Variants in NT5C2 observed in about 807,000 individuals in gnomAD.
The protein encoded by NT5C2 is 5'-nucleotidase, cytosolic II, also known as cytosolic purine 5'-nucleotidase.
Under a neutral mutation model 76.1 loss-of-function variants are expected in NT5C2, and 58 were observed. The ratio of observed to expected loss-of-function variants is 0.76; its 90% CI spans 0.62 to 0.95. NT5C2 has a LOEUF of 0.95. Among genes scored for constraint, NT5C2 ranks in the 40% least tolerant of loss-of-function variants. The probability of loss-of-function intolerance (pLI) is 0.00; values close to 1 mark genes in which losing one functional copy is unlikely to be tolerated. For missense variants in NT5C2, 478 were observed against 690.3 expected, an observed-to-expected ratio of 0.69 and a Z score of 3.45; for synonymous variants, 229 against 237.4, an observed-to-expected ratio of 0.96 and a Z score of 0.32.
At chr10:103,125,118 G>A in intron 4 of NT5C2, 2 of 471,012 alleles carry the variant, frequency 4.2e-6, no homozygotes, top group Non-Finnish European at 7.8e-6. Context: ...AAACCAAACT[G>A]GCAGGATGGA....
At chr10:103,126,013 A>C (rs1318875128) in intron 4 of NT5C2, among the ~76,000 whole-genome samples, 1 of 152,134 alleles carries the variant, frequency 6.6e-6, no homozygotes, top group Non-Finnish European at 1.5e-5. Flanking sequence ...GGTTAGCCTG[A>C]CTCATCTGTG....
At chr10:103,168,799 T>G (rs939051091) in intron 3 of NT5C2, among the ~76,000 whole-genome samples, 1 of 152,242 alleles carries the variant, frequency 6.6e-6, no homozygotes, top group African/African-American at 2.4e-5. Context: ...GATATTTATT[T>G]ACTTAACTAA....
chr10:103,192,863 G>A (rs1319371034), intron 1 of NT5C2, among the ~76,000 whole-genome samples: 1 of 152,196 alleles, frequency 6.6e-6, no homozygotes, highest in African/African-American at 2.4e-5. Flanking sequence ...CCAGCGTGAG[G>A]AAAGGGGGGA....
At chr10:103,104,657 A>C (rs1414560294) in intron 6 of NT5C2, among the ~76,000 whole-genome samples, 2 of 152,218 alleles carry the variant, frequency 1.3e-5, no homozygotes, top group Non-Finnish European at 2.9e-5. Context: ...TCATGTATAC[A>C]TGGAAATCTC....
At chr10:103,155,377 T>C (rs1307958408) in intron 3 of NT5C2, among the ~76,000 whole-genome samples, 1 of 152,212 alleles carries the variant, frequency 6.6e-6, no homozygotes, top group East Asian at 1.9e-4. Context: ...TGAGGTAAAG[T>C]TATTCCAGTT....
intron 4 of NT5C2, among the ~76,000 whole-genome samples, chr10:103,115,890 G>A (rs2074229649): frequency 6.6e-6 from 1 of 151,808 alleles, no homozygotes; most frequent in East Asian, 1.9e-4. Flanking sequence ...TGAATACAAA[G>A]GCCTTTCATC....
chr10:103,130,535 A>G (rs1471461396), intron 4 of NT5C2, among the ~76,000 whole-genome samples: 1 of 144,512 alleles, frequency 6.9e-6, no homozygotes, highest in African/African-American at 2.6e-5. Flanking sequence ...TGTGAGAAAC[A>G]CCCAAGAATT....
At chr10:103,182,285 AG>A (rs972046612) in intron 1 of NT5C2, among the ~76,000 whole-genome samples, 1 of 152,180 alleles carries the variant, frequency 6.6e-6, no homozygotes, top group African/African-American at 2.4e-5. Flanking sequence ...CATAGATAAT[AG>A]GGTAATAATA....
At chr10:103,152,192 T>C (rs2082526985) in intron 3 of NT5C2, among the ~76,000 whole-genome samples, 2 of 152,214 alleles carry the variant, frequency 1.3e-5, no homozygotes, top group African/African-American at 2.4e-5. Context: ...GTTTAACACC[T>C]ACCTATCTAT....
chr10:103,186,140 T>C (rs2091986171), intron 1 of NT5C2, among the ~76,000 whole-genome samples: 1 of 152,232 alleles, frequency 6.6e-6, no homozygotes, highest in South Asian at 2.1e-4. Flanking sequence ...GTACGGATTC[T>C]GGAGCCACAC....
chr10:103,176,567 T>C lies in NT5C2; in HGVS notation c.-24-1585A>G, dbSNP rs147539040. ...TGAAAAGGCCACTGCCTCATCTAGG[T>C]TTTTGGTTTGTTTTTGAAACAGGGT... On this transcript the variant is annotated intron_variant, in intron 2 of 18. Transcript: ENST00000404739. Among the ~76,000 whole-genome samples, 792 of 152,106 alleles carry C rather than the reference T, an allele frequency of 5.2e-3. 5 individuals are homozygous for C. Among genetic ancestry groups the C allele is most frequent in the Non-Finnish European group, 8.8e-3 (596 of 67,978 alleles).
chr10:103,174,450 A>G (rs2089284847), intron 3 of NT5C2, among the ~76,000 whole-genome samples: 1 of 152,182 alleles, frequency 6.6e-6, no homozygotes, highest in South Asian at 2.1e-4. Flanking sequence ...CCACACCTGT[A>G]GTCTCAGCTA....
intron 3 of NT5C2, among the ~76,000 whole-genome samples, chr10:103,171,067 A>G (rs1002263496): frequency 6.6e-6 from 1 of 152,180 alleles, no homozygotes; most frequent in Non-Finnish European, 1.5e-5. Flanking sequence ...ACCTAGCAAC[A>G]TATCTCACAC....
At chr10:103,157,661 A>G (rs894529787) in intron 3 of NT5C2, among the ~76,000 whole-genome samples, 5 of 152,188 alleles carry the variant, frequency 3.3e-5, no homozygotes, top group Admixed American at 3.3e-4. Flanking sequence ...AAGCATAGAG[A>G]TTATTCAAGA....
intron 2 of NT5C2, among the ~76,000 whole-genome samples, chr10:103,177,228 AAAG>A (rs1316665102): frequency 6.6e-6 from 1 of 152,236 alleles, no homozygotes; most frequent in African/African-American, 2.4e-5. Context: ...CTATGAACAA[AAAG>A]AAGGAATAAA....
At chr10:103,183,262 G>GAGATAT (rs1554841574) in intron 1 of NT5C2, among the ~76,000 whole-genome samples, 1 of 73,344 alleles carries the variant, frequency 1.4e-5, no homozygotes, top group Non-Finnish European at 2.3e-5. Flanking sequence ...GTGTGTGTGT[G>GAGATAT]ATATATATAT....
intron 4 of NT5C2, among the ~76,000 whole-genome samples, chr10:103,128,856 G>C (rs2077259514): frequency 1.6e-5 from 1 of 62,882 alleles, no homozygotes. Flanking sequence ...GAAGTGAGGA[G>C]CCCCTCCGCC....
intron 1 of NT5C2, among the ~76,000 whole-genome samples, chr10:103,191,162 C>G (rs370930329): frequency 1.3e-5 from 2 of 152,254 alleles, no homozygotes; most frequent in East Asian, 1.9e-4. Flanking sequence ...GAGGCCGAGG[C>G]GGGCAGATCA....
chr10:103,183,129 T>G (rs1181365118), intron 1 of NT5C2, among the ~76,000 whole-genome samples: 3 of 151,876 alleles, frequency 2.0e-5, no homozygotes, highest in African/African-American at 7.3e-5. Context: ...CTCATATTTG[T>G]AGTTAACAGT....
Sources: gnomAD v4.1 joint callset for allele counts (sites outside exome capture counted in the v4.1 genomes callset) on GRCh38, gnomAD v4.1.1 for gene constraint, MANE v1.5 for transcripts, NCBI Gene and HGNC (gene_info 2026-07-23, HGNC 2026-07-21) for gene names.